The following ADAM10 variants were observed in gnomAD, a reference collection of about 807,000 sequenced individuals.
The protein encoded by ADAM10 is disintegrin and metalloproteinase domain-containing protein 10.
In ADAM10, 17 loss-of-function variants were observed where a neutral mutation model predicts 90.1. The ratio of observed to expected loss-of-function variants is 0.19; its 90% CI spans 0.13 to 0.28. ADAM10 has a LOEUF of 0.28. Among genes scored for constraint, ADAM10 ranks in the 10% least tolerant of loss-of-function variants. ADAM10 has a pLI of 1.00. For synonymous variants in ADAM10, 310 were observed against 298.6 expected (o/e 1.04, Z -0.40); for missense variants, 610 against 914.3 (o/e 0.67, Z 4.29).
At chr15:58,661,670 T>C (rs1324926741) in intron 5 of ADAM10, among the ~76,000 whole-genome samples, 1 of 152,178 alleles carries the variant, frequency 6.6e-6, no homozygotes, top group Non-Finnish European at 1.5e-5. Flanking sequence ...TTGAGTTTCT[T>C]GGACCATGAA....
intron 3 of ADAM10, among the ~76,000 whole-genome samples, chr15:58,681,466 C>T (rs1186183837): frequency 6.6e-6 from 1 of 152,218 alleles, no homozygotes; most frequent in Middle Eastern, 3.4e-3. Context: ...AGAAATCACT[C>T]GTGTAGAAAT....
chr15:58,633,087 C>G, intron 9 of ADAM10, 109 bp downstream of exon 9: 1 of 1,087,006 alleles, frequency 9.2e-7, no homozygotes, highest in African/African-American at 1.6e-5. Flanking sequence ...GACATAAAAA[C>G]TAAACACTCG....
chr15:58,612,090 A>C, intron 11 of ADAM10, 99 bp from the exon 12 acceptor site: 1 of 1,188,084 alleles, frequency 8.4e-7, no homozygotes, highest in South Asian at 1.3e-5. Flanking sequence ...ACATAGTACC[A>C]ATTTTTAAAT....
chr15:58,692,419 T>C (rs1313516279), intron 2 of ADAM10: 2 of 561,088 alleles, frequency 3.6e-6, no homozygotes, highest in Admixed American at 2.0e-5. Flanking sequence ...CTTATTATTC[T>C]TATCAGTGTC....
chr15:58,623,982 T>TAAA lies in ADAM10; in HGVS notation c.1361-2364_1361-2362dup, dbSNP rs34638861. Among the ~76,000 whole-genome samples, 16 of 137,372 alleles carry TAAA rather than the reference T, an allele frequency of 1.2e-4. No individual in the cohort carries two copies. The South Asian group carries it at 3.1e-3, about 26-fold the overall frequency. The allele number at this position is 137,372 out of a possible 152,430, so 90.1% of individuals were successfully genotyped here. A position where few individuals can be genotyped will look rare whatever the true frequency, so the allele number is the denominator to read the frequency against. On this transcript the variant is annotated intron_variant, in intron 10 of 15. Transcript: ENST00000260408. ...GTATCCCGGAACTTAAAGTGAAATT[T>TAAA]AAAAAAAAAAAAAAAGGGGGGGCCA...
chr15:58,647,246 G>GCATTTTTTTTTTTTT (rs1896569038), intron 5 of ADAM10, among the ~76,000 whole-genome samples: 2 of 36,828 alleles, frequency 5.4e-5, no homozygotes, highest in Admixed American at 2.9e-4. Context: ...TAGACACTAA[G>GCATTTTTTTTTTTTT]TATTTTTTTT....
chr15:58,741,874 C>A (rs1000394357), intron 1 of ADAM10, among the ~76,000 whole-genome samples: 17 of 152,118 alleles, frequency 1.1e-4, no homozygotes, highest in Admixed American at 1.3e-4. Flanking sequence ...AATAATCAGT[C>A]CTGATTATCA....
chr15:58,614,819 C>T (rs985143213), intron 11 of ADAM10, among the ~76,000 whole-genome samples: 4 of 152,162 alleles, frequency 2.6e-5, no homozygotes, highest in African/African-American at 7.2e-5. Flanking sequence ...TAACAACCTA[C>T]GTACACCAAC....
chr15:58,669,723 C>A (rs1224299558), intron 4 of ADAM10, among the ~76,000 whole-genome samples: 1 of 152,018 alleles, frequency 6.6e-6, no homozygotes, highest in African/African-American at 2.4e-5. Flanking sequence ...ATAACCCAAC[C>A]AAAATGTCCA....
At chr15:58,620,023 C>G (rs1300208346) in intron 11 of ADAM10, among the ~76,000 whole-genome samples, 1 of 151,892 alleles carries the variant, frequency 6.6e-6, no homozygotes, top group African/African-American at 2.4e-5. Flanking sequence ...CCCTGTTCAC[C>G]TTTAGGAAAA....
At chr15:58,666,125 C>A (rs1355816698) in intron 4 of ADAM10, among the ~76,000 whole-genome samples, 1 of 151,552 alleles carries the variant, frequency 6.6e-6, no homozygotes, top group South Asian at 2.1e-4. Flanking sequence ...CAGTGAGACC[C>A]TTTAATCCAC....
intron 11 of ADAM10, among the ~76,000 whole-genome samples, chr15:58,620,870 T>G (rs1895762174): frequency 1.8e-5 from 1 of 54,866 alleles, no homozygotes; most frequent in African/African-American, 1.8e-4. Context: ...GGGTTTCACC[T>G]TGTTAGCCAG....
chr15:58,622,245 C>A (rs915669830), intron 10 of ADAM10, among the ~76,000 whole-genome samples: 1 of 152,056 alleles, frequency 6.6e-6, no homozygotes, highest in South Asian at 2.1e-4. Context: ...ACCATAATAA[C>A]CATGATCATA....
At chr15:58,664,762 TACC>T (rs1401447448) in intron 5 of ADAM10, among the ~76,000 whole-genome samples, 2 of 152,156 alleles carry the variant, frequency 1.3e-5, no homozygotes, top group East Asian at 3.8e-4. Flanking sequence ...AAATGAGGAA[TACC>T]TTGGCAAACC....
chr15:58,679,352 G>A, intron 3 of ADAM10, 70 bp from the exon 4 acceptor site: 25 of 1,280,910 alleles, frequency 2.0e-5, no homozygotes, highest in Non-Finnish European at 2.5e-5. Context: ...TCATATATAT[G>A]TATATATGTG....
chr15:58,665,196 G>A lies in ADAM10; in HGVS notation c.486C>T (p.Asn162=). 6.2e-7 allele frequency: 1 copy of A among 1,601,230 alleles called. No homozygotes were observed. Among genetic ancestry groups the A allele is most frequent in the Non-Finnish European group, 8.6e-7 (1 of 1,168,402 alleles). ...HSVIYHEDDI[N]YPHKYGPQGG... ...CCTGAGGACCGTATTTATGGGGATA[G>A]TCTAAAATACAAAGAAGAAACGTCA... Residue 162 remains asparagine, a splice_region_variant and synonymous_variant, in exon 5 of 16, where the codon AAC becomes AAT. Transcript: ENST00000260408.
intron 12 of ADAM10, chr15:58,611,580 T>G: frequency 1.9e-6 from 1 of 517,220 alleles, no homozygotes. Flanking sequence ...TGCCGAGTTG[T>G]ACAACTATGT....
At chr15:58,687,659 T>A (rs538687002) in intron 2 of ADAM10, among the ~76,000 whole-genome samples, 2 of 133,324 alleles carry the variant, frequency 1.5e-5, no homozygotes, top group African/African-American at 7.2e-5. Flanking sequence ...TCCATACTTT[T>A]TAAAAAAAAA....
chr15:58,669,792 A>G (rs542182445), intron 4 of ADAM10, among the ~76,000 whole-genome samples: 46 of 152,330 alleles, frequency 3.0e-4, no homozygotes, highest in African/African-American at 1.1e-3. Context: ...CTATTTATCA[A>G]CAAAAAGTTA....
Sources: allele counts gnomAD v4.1 joint callset (sites outside exome capture counted in the v4.1 genomes callset), GRCh38; gene constraint gnomAD v4.1.1; transcripts MANE v1.5; gene names NCBI Gene and HGNC (gene_info 2026-07-23, HGNC 2026-07-21).